Variants in SUMF1 observed in about 807,000 individuals in gnomAD.
SUMF1 encodes the protein formylglycine-generating enzyme.
A neutral mutation model predicts 47.6 loss-of-function variants in SUMF1; 48 were observed. That is an observed-to-expected ratio of 1.01 (90% confidence interval 0.80 to 1.28). SUMF1 has a LOEUF of 1.28. SUMF1 is among the 50% of genes most tolerant of loss of function. SUMF1 has a pLI of 0.00. For missense variants in SUMF1, 571 were observed against 485.4 expected (o/e 1.18, Z -1.66); for synonymous variants, 230 against 192.1 (o/e 1.20, Z -1.63).
chr3:4,258,489 G>A (rs1697008752), intron 8 of SUMF1, among the ~76,000 whole-genome samples: 1 of 146,792 alleles, frequency 6.8e-6, no homozygotes, highest in Non-Finnish European at 1.5e-5. Flanking sequence ...AGACATTTAT[G>A]CAGCCAAAAA....
intron 8 of SUMF1, among the ~76,000 whole-genome samples, chr3:4,288,356 GTCTT>G (rs911867532): frequency 5.3e-5 from 8 of 152,124 alleles, no homozygotes; most frequent in African/African-American, 1.7e-4. Context: ...TATTTTCTGT[GTCTT>G]TCTACTTTAA....
chr3:4,071,406 G>A (rs999905020), intron 8 of SUMF1, among the ~76,000 whole-genome samples: 2 of 152,182 alleles, frequency 1.3e-5, no homozygotes, highest in Non-Finnish European at 2.9e-5. Flanking sequence ...GAGAAGCCAT[G>A]AGAGACTGTA....
At chr3:4,229,850 C>CA (rs907382308) in intron 8 of SUMF1, among the ~76,000 whole-genome samples, 16 of 150,852 alleles carry the variant, frequency 1.1e-4, no homozygotes, top group Middle Eastern at 6.8e-3. Flanking sequence ...CCTATCTCTA[C>CA]AAAAAAAAAT....
At chr3:4,214,428 G>A (rs1342100082) in intron 8 of SUMF1, among the ~76,000 whole-genome samples, 1 of 152,148 alleles carries the variant, frequency 6.6e-6, no homozygotes, top group African/African-American at 2.4e-5. Flanking sequence ...GAAATTTATA[G>A]CACTAAATGC....
At chr3:4,274,226 T>G (rs2125039674) in intron 8 of SUMF1, among the ~76,000 whole-genome samples, 1 of 152,268 alleles carries the variant, frequency 6.6e-6, no homozygotes, top group East Asian at 1.9e-4. Flanking sequence ...TACCTAGGCT[T>G]AATAATAATA....
At chr3:4,327,589 AAGAC>A (rs1435043912) in intron 8 of SUMF1, among the ~76,000 whole-genome samples, 1 of 151,684 alleles carries the variant, frequency 6.6e-6, no homozygotes, top group East Asian at 1.9e-4. Context: ...TGATAACATT[AAGAC>A]AGCAGAATTA....
chr3:4,084,793 A>G (rs1692637473), intron 8 of SUMF1, among the ~76,000 whole-genome samples: 1 of 152,148 alleles, frequency 6.6e-6, no homozygotes, highest in Non-Finnish European at 1.5e-5. Context: ...GCAAAAGGGT[A>G]TGATTAAAAT....
chr3:4,263,362 T>C (rs1223517862), intron 8 of SUMF1, among the ~76,000 whole-genome samples: 3 of 152,128 alleles, frequency 2.0e-5, no homozygotes, highest in Non-Finnish European at 2.9e-5. Context: ...CAATTCAAGG[T>C]AAAGGTGTGT....
chr3:4,084,590 C>A (rs889212676), intron 8 of SUMF1, among the ~76,000 whole-genome samples: 3 of 152,056 alleles, frequency 2.0e-5, no homozygotes, highest in African/African-American at 7.3e-5. Context: ...AGACAGAACA[C>A]AGGACAAAGA....
At chr3:4,394,732 T>C (rs1435599431) in intron 7 of SUMF1, among the ~76,000 whole-genome samples, 1 of 152,176 alleles carries the variant, frequency 6.6e-6, no homozygotes, top group Non-Finnish European at 1.5e-5. Flanking sequence ...ATACAAGGGA[T>C]CCAGGCAAGG....
chr3:4,203,102 C>A (rs1428790375), intron 8 of SUMF1, among the ~76,000 whole-genome samples: 3 of 151,822 alleles, frequency 2.0e-5, no homozygotes, highest in African/African-American at 7.2e-5. Flanking sequence ...ATCAAATAGA[C>A]CATTTGGTCT....
intron 8 of SUMF1, among the ~76,000 whole-genome samples, chr3:4,368,468 C>G (rs1212033705): frequency 1.3e-5 from 2 of 151,922 alleles, no homozygotes; most frequent in African/African-American, 2.4e-5. Context: ...ACCATTTGAC[C>G]CAGCCATCCC....
intron 2 of SUMF1, among the ~76,000 whole-genome samples, chr3:4,452,252 C>G (rs1703000856): frequency 6.6e-6 from 1 of 152,098 alleles, no homozygotes; most frequent in African/African-American, 2.4e-5. Flanking sequence ...CATTCATAGA[C>G]TAGAAAGCTT....
chr3:4,321,767 C>T (rs1328968903), intron 8 of SUMF1, among the ~76,000 whole-genome samples: 3 of 152,030 alleles, frequency 2.0e-5, no homozygotes, highest in Non-Finnish European at 4.4e-5. Flanking sequence ...ACCATAAATT[C>T]CTACTCCTTT....
intron 8 of SUMF1, among the ~76,000 whole-genome samples, chr3:4,330,731 T>A (rs1309853915): frequency 1.3e-5 from 2 of 152,202 alleles, no homozygotes; most frequent in African/African-American, 4.8e-5. Flanking sequence ...AATGTTTTCT[T>A]ATCTCTTAGT....
At chr3:4,457,545 C>T (rs1051410749) in intron 1 of SUMF1, among the ~76,000 whole-genome samples, 1 of 151,980 alleles carries the variant, frequency 6.6e-6, no homozygotes, top group Admixed American at 6.5e-5. Context: ...AAAGCTAACA[C>T]AAAAACCAAT....
chr3:4,295,349 C>A (rs558382805), intron 8 of SUMF1, among the ~76,000 whole-genome samples: 3 of 152,042 alleles, frequency 2.0e-5, no homozygotes, highest in African/African-American at 7.2e-5. Flanking sequence ...ACTTGTAGAT[C>A]TGGGCTTAGA....
At chr3:4,357,313 GT>G (rs928232357), downstream of SUMF1, among the ~76,000 whole-genome samples, 34 of 94,140 alleles carry the variant, frequency 3.6e-4, no homozygotes, top group African/African-American at 1.3e-3. Flanking sequence ...GTTTACGGTG[GT>G]TTTTTTTTTT....
chr3:4,297,591 G>A (rs1028037931), intron 8 of SUMF1, among the ~76,000 whole-genome samples: 66 of 120,456 alleles, frequency 5.5e-4, no homozygotes, highest in African/African-American at 1.9e-3. Flanking sequence ...TTTTTGAGAT[G>A]GAGTCTGGCT....
Sources: gnomAD v4.1 joint callset for allele counts (sites outside exome capture counted in the v4.1 genomes callset) on GRCh38, gnomAD v4.1.1 for gene constraint, MANE v1.5 for transcripts, NCBI Gene and HGNC (gene_info 2026-07-23, HGNC 2026-07-21) for gene names.